ZNF177: variants seen among roughly 807,000 people sequenced by gnomAD.
ZNF177 encodes zinc finger protein 177.
A neutral mutation model predicts 19.4 loss-of-function variants in ZNF177; 17 were observed. The ratio of observed to expected loss-of-function variants is 0.87; its 90% CI spans 0.60 to 1.31. ZNF177 has a LOEUF of 1.31. Ranked by LOEUF, ZNF177 falls within the 40% of genes most tolerant of loss-of-function variation. The pLI is 0.00. For missense variants in ZNF177, 633 were observed against 561.8 expected, an observed-to-expected ratio of 1.13 and a Z score of -1.28; for synonymous variants, 220 against 188.7, an observed-to-expected ratio of 1.17 and a Z score of -1.36.
chr19:9,372,095 C>CT (rs1415911247), upstream of ZNF177, among the ~76,000 whole-genome samples: 2 of 152,150 alleles, frequency 1.3e-5, no homozygotes, highest in African/African-American at 4.8e-5. Context: ...CCTCAATTTA[C>CT]TTAGAACTTT....
exon 6 of ZNF177, chr19:9,381,346 C>T (rs1219013757): frequency 1.2e-6 from 2 of 1,613,502 alleles, no homozygotes; most frequent in Non-Finnish European, 1.7e-6. Context: ...TGGAGAGAAA[C>T]CCTATGACTG....
At chr19:9,378,695 C>A (rs924858869) in intron 2 of ZNF177, 5 of 560,660 alleles carry the variant, frequency 8.9e-6, no homozygotes, top group Non-Finnish European at 1.5e-5. Flanking sequence ...AGAGTCCTCA[C>A]AACCTAACTG....
At chr19:9,367,539 G>A (rs558832752) in intron 2 of ZNF177, among the ~76,000 whole-genome samples, 1 of 152,078 alleles carries the variant, frequency 6.6e-6, no homozygotes, top group Non-Finnish European at 1.5e-5. Context: ...TAATTCTGTT[G>A]TACTATATTT....
chr19:9,372,539 CCT>C (rs1491436953), upstream of ZNF177, among the ~76,000 whole-genome samples: 2 of 135,750 alleles, frequency 1.5e-5, no homozygotes, highest in African/African-American at 3.1e-5. Context: ...GCTTTCTTTT[CCT>C]TTTTTTTTTT....
At chr19:9,375,118 T>C (rs2068093628), upstream of ZNF177, among the ~76,000 whole-genome samples, 1 of 152,204 alleles carries the variant, frequency 6.6e-6, no homozygotes, top group Non-Finnish European at 1.5e-5. Context: ...TTATCCTTCA[T>C]TCTGTTGATG....
intron 3 of ZNF177, chr19:9,379,321 T>A: frequency 9.4e-7 from 1 of 1,065,104 alleles, no homozygotes; most frequent in South Asian, 1.8e-5. Context: ...GTGTATAGGT[T>A]TCAAGGGTCA....
chr19:9,380,123 C>G, exon 5 of ZNF177: 2 of 1,610,754 alleles, frequency 1.2e-6, no homozygotes, highest in Non-Finnish European at 1.7e-6. Context: ...GGAAAAACAT[C>G]CAATGGCATA....
exon 6 of ZNF177, chr19:9,381,394 C>G: frequency 6.2e-7 from 1 of 1,613,958 alleles, no homozygotes; most frequent in Non-Finnish European, 8.5e-7. Context: ...TCCTTCATCC[C>G]TTCAGAAACA....
upstream of ZNF177, among the ~76,000 whole-genome samples, chr19:9,372,507 C>T (rs1344667264): frequency 2.0e-5 from 3 of 150,936 alleles, no homozygotes; most frequent in East Asian, 1.9e-4. Context: ...CTGTTCTCTC[C>T]CTTGCTTCCT....
intron 5 of ZNF177, 96 bp from the exon 8 acceptor site, chr19:9,380,572 C>T: frequency 6.5e-7 from 1 of 1,535,032 alleles, no homozygotes; most frequent in Non-Finnish European, 8.7e-7. Flanking sequence ...TGATCATGTG[C>T]TTCCTATATA....
exon 3 of ZNF177, chr19:9,378,969 T>C: frequency 6.2e-7 from 1 of 1,606,778 alleles, no homozygotes; most frequent in Non-Finnish European, 8.5e-7. Context: ...TAGAACTCAG[T>C]AACCTTCCAG....
chr19:9,381,034 A>G, exon 6 of ZNF177: 1 of 1,599,868 alleles, frequency 6.3e-7, no homozygotes, highest in Non-Finnish European at 8.5e-7. Flanking sequence ...TGATGAATGC[A>G]GTGACTATGG....
At chr19:9,378,905 T>G (rs1003490707) in intron 2 of ZNF177, 57 bp from the exon 5 acceptor site, 1 of 1,540,596 alleles carries the variant, frequency 6.5e-7, no homozygotes. Flanking sequence ...ACCATTCTCC[T>G]GGTACATTGT....
exon 6 of ZNF177, chr19:9,380,911 C>T: frequency 6.5e-7 from 1 of 1,536,250 alleles, no homozygotes. Context: ...CCTCAGGAAA[C>T]ACTTAAGAAC....
intron 2 of ZNF177, among the ~76,000 whole-genome samples, chr19:9,365,153 A>G (rs181021497): frequency 2.5e-4 from 38 of 152,270 alleles, no homozygotes; most frequent in Admixed American, 1.8e-3. Flanking sequence ...TGAGAGATAC[A>G]TAAAGGAGCT....
intron 1 of ZNF177, among the ~76,000 whole-genome samples, chr19:9,377,587 A>G (rs933156789): frequency 6.6e-6 from 1 of 152,192 alleles, no homozygotes; most frequent in African/African-American, 2.4e-5. Flanking sequence ...TTACAACAAA[A>G]AAGTTTAAAA....
exon 6 of ZNF177, chr19:9,380,836 A>C (rs1458075929): frequency 2.6e-6 from 4 of 1,536,154 alleles, no homozygotes; most frequent in Non-Finnish European, 3.5e-6. Context: ...TCATGTGAGC[A>C]TTCACATTGG....
upstream of ZNF177, chr19:9,371,606 A>G (rs1447304948): frequency 6.6e-6 from 1 of 152,120 alleles, no homozygotes; most frequent in Non-Finnish European, 1.5e-5. Context: ...TTTTCCTTTT[A>G]TAGGTGACCT....
At chr19:9,370,614 G>C (rs966288335) in intron 2 of ZNF177, among the ~76,000 whole-genome samples, 8 of 151,964 alleles carry the variant, frequency 5.3e-5, no homozygotes, top group African/African-American at 1.9e-4. Flanking sequence ...TAGAGACAGG[G>C]TGCTGCTTTA....
Sources: gnomAD v4.1 joint callset for allele counts (sites outside exome capture counted in the v4.1 genomes callset) on GRCh38, gnomAD v4.1.1 for gene constraint, MANE v1.5 for transcripts, NCBI Gene and HGNC (gene_info 2026-07-23, HGNC 2026-07-21) for gene names.